Variants in SKI observed in about 807,000 individuals in gnomAD.
SKI encodes the protein SKI proto-oncogene.
In SKI, 23 loss-of-function variants were observed where a neutral mutation model predicts 59.3. The observed-to-expected ratio is 0.39, with a 90% confidence interval of 0.28 to 0.55. SKI has a LOEUF of 0.55. Among genes scored for constraint, SKI ranks in the 20% least tolerant of loss-of-function variants. SKI has a pLI of 0.67. For synonymous variants in SKI, 673 were observed against 488.6 expected (o/e 1.38, Z -4.98); for missense variants, 1,017 against 1,038.9 (o/e 0.98, Z 0.29).
In SKI at chr1:2,229,076, G is replaced by C. The variant is rs1294100167; in HGVS notation, c.310G>C (p.Val104Leu). The C allele has an allele frequency of 3.1e-6, 5 of 1,608,138 alleles. 1 individual carries two copies. In the South Asian group the frequency reaches 5.5e-5, roughly 18 times the overall value. Residue 104 changes from valine (V) to leucine (L), a missense_variant, in exon 1 of 7, where the codon GTA becomes CTA. Coordinates refer to ENST00000378536, the MANE Select transcript of SKI (RefSeq NM_003036.4). The surrounding 1 kb of genome is among the most constrained non-coding windows in gnomAD (Gnocchi z 6.3). Reference protein sequence around the residue: ...SDRSTERCETVLEGETISCFV... With the variant: ...SDRSTERCETLLEGETISCFV... ...CCGCTCCACCGAGCGCTGCGAGACC[G>C]TACTGGAAGGCGAGACCATCTCGTG...
intron 1 of SKI, among the ~76,000 whole-genome samples, chr1:2,273,323 C>T (rs1639669603): frequency 6.6e-6 from 1 of 152,170 alleles, no homozygotes; most frequent in Admixed American, 6.5e-5. Flanking sequence ...CCCGCCAGTG[C>T]CGGAGACCCT....
chr1:2,286,570 A>C (rs768792619), intron 1 of SKI, among the ~76,000 whole-genome samples: 6 of 152,244 alleles, frequency 3.9e-5, no homozygotes, highest in Non-Finnish European at 8.8e-5. Context: ...TCTTGATTTG[A>C]ACCCCAAATA....
At chr1:2,285,108 G>C (rs566444082) in intron 1 of SKI, among the ~76,000 whole-genome samples, 1 of 152,082 alleles carries the variant, frequency 6.6e-6, no homozygotes, top group Non-Finnish European at 1.5e-5. Flanking sequence ...GGTGTCATGC[G>C]GCAGTTGGTG....
chr1:2,297,688 G>C (rs959137865), intron 1 of SKI, among the ~76,000 whole-genome samples: 1 of 152,264 alleles, frequency 6.6e-6, no homozygotes, highest in Admixed American at 6.5e-5. Context: ...CTCACCCTGC[G>C]AGGCAGCATC....
intron 1 of SKI, among the ~76,000 whole-genome samples, chr1:2,293,734 C>G (rs188449221): frequency 1.3e-5 from 2 of 152,312 alleles, no homozygotes; most frequent in South Asian, 4.1e-4. Context: ...GTGCAAGGCC[C>G]CTGGGTCTGG....
At chr1:2,248,629 G>A (rs1639050178) in intron 1 of SKI, among the ~76,000 whole-genome samples, 1 of 152,236 alleles carries the variant, frequency 6.6e-6, no homozygotes, top group Admixed American at 6.5e-5. Context: ...CCGTGGGGCA[G>A]CCTCTCTGGC....
rs938179056 is a variant in SKI, at chr1:2,303,748, G to T, written c.1212-92G>T. ...ATTCGGAGCTGGGAAAGTCTTTCCT[G>T]TTTAACACCTTCAGAGGGGGTGTGC... On this transcript the variant is annotated intron_variant, in intron 3 of 6. Coordinates refer to ENST00000378536, the MANE Select transcript of SKI (RefSeq NM_003036.4). The surrounding 1 kb of genome is among the most constrained non-coding windows in gnomAD (Gnocchi z 5.6). 2 of 1,515,464 alleles carry T rather than the reference G, an allele frequency of 1.3e-6. No individual in the cohort carries two copies. Among genetic ancestry groups the T allele is most frequent in the African/African-American group, 2.7e-5 (2 of 73,082 alleles). 93.9% of individuals were successfully genotyped at this position (1,515,464 alleles called of 1,614,324 possible). A position where few individuals can be genotyped will look rare whatever the true frequency, so the allele number is the denominator to read the frequency against.
intron 1 of SKI, among the ~76,000 whole-genome samples, chr1:2,295,837 C>T (rs1163364683): frequency 2.0e-5 from 3 of 152,200 alleles, no homozygotes; most frequent in Non-Finnish European, 4.4e-5. Context: ...ACAATCTATC[C>T]CGTCATTTGT....
At chr1:2,241,678 C>T (rs2100809355) in intron 1 of SKI, among the ~76,000 whole-genome samples, 1 of 152,330 alleles carries the variant, frequency 6.6e-6, no homozygotes, top group South Asian at 2.1e-4. Flanking sequence ...CAGGTGTGAG[C>T]CACTGCGCCC....
At chr1:2,253,094 T>TGAAA (rs1639197082) in intron 1 of SKI, among the ~76,000 whole-genome samples, 1 of 100,484 alleles carries the variant, frequency 1.0e-5, no homozygotes, top group Admixed American at 1.2e-4. Flanking sequence ...AGACCCTGTC[T>TGAAA]GAAAAAAAAA....
intron 1 of SKI, among the ~76,000 whole-genome samples, chr1:2,252,072 C>T (rs1639163428): frequency 6.6e-6 from 1 of 152,186 alleles, no homozygotes; most frequent in Non-Finnish European, 1.5e-5. Flanking sequence ...CTCGGGGTTT[C>T]CTGCCAGGTC....
chr1:2,299,784 G>A (rs888895984), intron 1 of SKI, among the ~76,000 whole-genome samples: 1 of 152,204 alleles, frequency 6.6e-6, no homozygotes, highest in Non-Finnish European at 1.5e-5. Context: ...GGGTCCCCAA[G>A]GCCTTCTCAA....
chr1:2,260,171 T>G (rs754168574), intron 1 of SKI, among the ~76,000 whole-genome samples: 9 of 152,142 alleles, frequency 5.9e-5, no homozygotes, highest in Non-Finnish European at 1.2e-4. Flanking sequence ...CTGGCCAGCG[T>G]GTGTGGTGGG....
At chr1:2,302,860 A>G in intron 1 of SKI, 118 bp from the exon 2 acceptor site, 1 of 1,375,046 alleles carries the variant, frequency 7.3e-7, no homozygotes, top group Non-Finnish European at 1.0e-6. Context: ...TGCGCCACTC[A>G]GGGTCGTTTG....
At position 2,229,075 on chromosome 1, in the gene SKI, C is replaced by G. The variant is rs776829569; in HGVS notation, c.309C>G (p.Thr103=). 6 of 1,608,154 alleles carry G rather than the reference C, an allele frequency of 3.7e-6. No homozygotes were observed. The highest frequency in any genetic ancestry group is 1.1e-5 in the South Asian group (1 of 91,072). The change falls in exon 1 of 7, where the codon ACC becomes ACG. Residue 103 remains threonine, a synonymous_variant. Coordinates refer to ENST00000378536, the MANE Select transcript of SKI (RefSeq NM_003036.4). The surrounding 1 kb of genome is among the most constrained non-coding windows in gnomAD (Gnocchi z 6.3). ...PSDRSTERCE[T]VLEGETISCF... is the part of the protein sequence containing the mutation. ...ACCGCTCCACCGAGCGCTGCGAGAC[C>G]GTACTGGAAGGCGAGACCATCTCGT...
At position 2,268,057 on chromosome 1, in the gene SKI, G is replaced by A. The variant is rs954280878; in HGVS notation, c.970-34921G>A. Among the ~76,000 whole-genome samples the A allele has an allele frequency of 6.6e-6, 1 of 152,180 alleles. No homozygotes were observed. Among genetic ancestry groups the A allele is most frequent in the Non-Finnish European group, 1.5e-5 (1 of 68,014 alleles). ...TAGAAGCAGGTTCCCACAGGCCAGG[G>A]CACTCCCAACAGCACTGCGTGGAGC... On this transcript the variant is annotated intron_variant, in intron 1 of 6. Coordinates refer to ENST00000378536, the MANE Select transcript of SKI (RefSeq NM_003036.4). The surrounding 1 kb of genome is among the most constrained non-coding windows in gnomAD (Gnocchi z 5.0).
At chr1:2,239,971 C>T (rs541936430) in intron 1 of SKI, among the ~76,000 whole-genome samples, 1 of 152,344 alleles carries the variant, frequency 6.6e-6, no homozygotes, top group East Asian at 1.9e-4. Flanking sequence ...GAGCTCGGCG[C>T]CTCTAGTGTA....
rs749057807 is a variant in SKI at position 2,269,128 on chromosome 1, G to A, written c.970-33850G>A. ...CTGGCTAACGTTTTATATTTTTTGGGTAGAGATGGGGTCTCGCCATGTTGT... is the reference window on the plus strand; with the variant it reads ...CTGGCTAACGTTTTATATTTTTTGGATAGAGATGGGGTCTCGCCATGTTGT... On this transcript the variant is annotated intron_variant, in intron 1 of 6. Transcript: ENST00000378536. This position sits in a 1 kb window ranked among gnomAD's most constrained non-coding sequence, Gnocchi z 4.7. 3.9e-5 allele frequency among the ~76,000 whole-genome samples: 6 copies of A among 152,108 alleles called. No individual in the cohort carries two copies. Among genetic ancestry groups the A allele is most frequent in the Non-Finnish European group, 8.8e-5 (6 of 68,010 alleles).
Position 2,306,782 on chromosome 1 carries a change from C to G in SKI, c.*17C>G, listed in dbSNP as rs746845280. 1.3e-5 allele frequency: 19 copies of G among 1,484,832 alleles called. No individual in the cohort carries two copies. In the South Asian group the frequency reaches 1.8e-4, roughly 14 times the overall value. 92.0% of individuals were successfully genotyped at this position (1,484,832 alleles called of 1,614,324 possible). A position where few individuals can be genotyped will look rare whatever the true frequency, so the allele number is the denominator to read the frequency against. ...GAGCCGTAGATTCCGTGCCTGCCGC[C>G]GCAGCGCCGCCGACAACGCGGGTGC... On this transcript the variant is annotated 3_prime_UTR_variant, in exon 7 of 7. Transcript: ENST00000378536.
Sources: gnomAD v4.1 joint callset for allele counts (sites outside exome capture counted in the v4.1 genomes callset) on GRCh38, gnomAD v4.1.1 for gene constraint, Gnocchi (gnomAD v3.1) non-coding constraint, MANE v1.5 for transcripts, NCBI Gene and HGNC (gene_info 2026-07-23, HGNC 2026-07-21) for gene names.